Variants in PRKG1 observed in about 807,000 individuals in gnomAD.
PRKG1 encodes cGMP-dependent protein kinase 1.
A neutral mutation model predicts 88.1 loss-of-function variants in PRKG1; 35 were observed. That is an observed-to-expected ratio of 0.40 (90% confidence interval 0.30 to 0.53). PRKG1 has a LOEUF of 0.53. Among genes scored for constraint, PRKG1 ranks in the 20% least tolerant of loss-of-function variants. The pLI, the probability that PRKG1 is intolerant of heterozygous loss-of-function variation, is 0.59. For missense variants in PRKG1, 540 were observed against 839.8 expected (o/e 0.64, Z 4.41); for synonymous variants, 303 against 292.5 (o/e 1.04, Z -0.37).
intron 3 of PRKG1, among the ~76,000 whole-genome samples, chr10:51,753,061 G>A (rs569625218): frequency 1.1e-3 from 160 of 152,236 alleles, no homozygotes; most frequent in Middle Eastern, 3.4e-3. Flanking sequence ...GTGCTACTGA[G>A]TCTAGTAGTA....
chr10:52,021,375 G>A (rs1181221109), intron 5 of PRKG1, among the ~76,000 whole-genome samples: 6 of 152,150 alleles, frequency 3.9e-5, no homozygotes, highest in African/African-American at 1.4e-4. Flanking sequence ...CCATTCAAAG[G>A]TATCTGGTTT....
chr10:51,897,249 G>A (rs1163303210), intron 4 of PRKG1, among the ~76,000 whole-genome samples: 2 of 152,246 alleles, frequency 1.3e-5, no homozygotes, highest in Admixed American at 6.5e-5. Context: ...TAGTAAGTCC[G>A]AGATTTCTGC....
chr10:52,133,861 C>T lies in PRKG1; in HGVS notation c.957C>T (p.Asn319=), dbSNP rs949262667. The T allele has an allele frequency of 1.9e-5, 30 of 1,613,014 alleles. No individual in the cohort carries two copies. In the East Asian group the frequency reaches 5.1e-4, roughly 28 times the overall value. ...ALQGEDVRTA[N]VIAAEAVTCL... is the part of the protein sequence containing the mutation. ...ATAGGGAAGATGTGAGAACAGCAAA[C>T]GTAATTGCTGCAGAAGCTGTAACCT... Residue 319 remains asparagine (N), a synonymous_variant, in exon 8 of 18, where the codon AAC becomes AAT. Transcript: ENST00000373980.
At chr10:52,031,975 G>C (rs138052145) in intron 5 of PRKG1, among the ~76,000 whole-genome samples, 82 of 152,300 alleles carry the variant, frequency 5.4e-4, no homozygotes, top group African/African-American at 1.7e-3. Context: ...GAAATGGCTG[G>C]AGTGTAGAGG....
At chr10:52,164,360 GTAAGTAAA>G (rs1838371803) in intron 9 of PRKG1, among the ~76,000 whole-genome samples, 4 of 140,220 alleles carry the variant, frequency 2.9e-5, no homozygotes, top group Non-Finnish European at 1.5e-5. Context: ...TCAAAAATAA[GTAAGTAAA>G]TAAATAAATA....
intron 3 of PRKG1, among the ~76,000 whole-genome samples, chr10:51,737,437 C>T (rs1317684335): frequency 1.3e-5 from 2 of 152,144 alleles, no homozygotes; most frequent in Non-Finnish European, 2.9e-5. Context: ...TTTGTTGTTG[C>T]CTGGTTTATT....
At chr10:51,905,416 T>A (rs1842065034) in intron 4 of PRKG1, among the ~76,000 whole-genome samples, 1 of 152,192 alleles carries the variant, frequency 6.6e-6, no homozygotes. Context: ...TTGTTTCTTT[T>A]ATGGTATCAT....
intron 2 of PRKG1, among the ~76,000 whole-genome samples, chr10:51,153,572 T>A (rs551151769): frequency 6.6e-6 from 1 of 151,988 alleles, no homozygotes; most frequent in African/African-American, 2.4e-5. Flanking sequence ...GTTAAAAATG[T>A]GAAAAAAGAA....
chr10:51,207,623 C>A (rs1482236944), intron 2 of PRKG1, among the ~76,000 whole-genome samples: 1 of 152,076 alleles, frequency 6.6e-6, no homozygotes, highest in Non-Finnish European at 1.5e-5. Flanking sequence ...AAGTGTACAG[C>A]TTCCCATTCT....
intron 3 of PRKG1, among the ~76,000 whole-genome samples, chr10:51,541,601 A>G (rs1246079331): frequency 2.0e-5 from 3 of 152,232 alleles, no homozygotes; most frequent in African/African-American, 7.2e-5. Context: ...AAATAAAATC[A>G]GTGAAGTTTA....
intron 1 of PRKG1, among the ~76,000 whole-genome samples, chr10:51,050,742 T>C (rs1843550350): frequency 6.6e-6 from 1 of 152,176 alleles, no homozygotes; most frequent in African/African-American, 2.4e-5. Flanking sequence ...TTCTAAACTG[T>C]TCTTTATAGT....
intron 7 of PRKG1, among the ~76,000 whole-genome samples, chr10:52,086,659 C>A (rs2133314420): frequency 6.6e-6 from 1 of 152,144 alleles, no homozygotes; most frequent in African/African-American, 2.4e-5. Flanking sequence ...CCCACCTTGG[C>A]CTTGATTTTC....
intron 2 of PRKG1, among the ~76,000 whole-genome samples, chr10:51,333,559 G>C (rs1225766150): frequency 6.6e-6 from 1 of 152,194 alleles, no homozygotes; most frequent in Non-Finnish European, 1.5e-5. Flanking sequence ...CATGTTGACT[G>C]TGTAGAACAT....
intron 3 of PRKG1, among the ~76,000 whole-genome samples, chr10:51,764,188 A>G (rs553878469): frequency 2.0e-5 from 3 of 152,324 alleles, no homozygotes; most frequent in Admixed American, 1.3e-4. Context: ...CCACTCCTAT[A>G]TCACATAAAA....
At chr10:51,579,194 C>T (rs113716194) in intron 3 of PRKG1, among the ~76,000 whole-genome samples, 21,505 of 151,550 alleles carry the variant, frequency 0.14, 1,643 homozygotes, top group African/African-American at 0.2. Flanking sequence ...GTTGGCCAGG[C>T]TGATCTTGAA....
chr10:51,447,350 A>G (rs564800276), intron 2 of PRKG1, among the ~76,000 whole-genome samples: 23 of 152,164 alleles, frequency 1.5e-4, no homozygotes, highest in Non-Finnish European at 2.8e-4. Context: ...GACCAACACA[A>G]GGAAGCCCTT....
chr10:51,077,449 C>G (rs971521645), intron 1 of PRKG1, among the ~76,000 whole-genome samples: 3 of 151,980 alleles, frequency 2.0e-5, no homozygotes, highest in African/African-American at 7.3e-5. Context: ...CGCTAATGTT[C>G]TGTTCATTTA....
rs769618940 is a variant in PRKG1 at position 52,256,501 on chromosome 10, A to G, written c.1173+4835A>G. 1.0e-4 allele frequency among the ~76,000 whole-genome samples: 14 copies of G among 139,506 alleles called. 4 individuals are homozygous for G. Among genetic ancestry groups the G allele is most frequent in the Non-Finnish European group, 2.1e-4 (13 of 61,644 alleles). 91.5% of individuals were successfully genotyped at this position (139,506 alleles called of 152,430 possible). A position where few individuals can be genotyped will look rare whatever the true frequency, so the allele number is the denominator to read the frequency against. Reference sequence around the variant, plus strand: ...TGAGCCTTGCTTTTCTTGTCTCTGAAATGATGATAATAATAGGATATGTAC... The same window carrying G: ...TGAGCCTTGCTTTTCTTGTCTCTGAGATGATGATAATAATAGGATATGTAC... On this transcript the variant is annotated intron_variant, in intron 10 of 17. Transcript: ENST00000373980.
chr10:51,288,510 C>A (rs1840500313), intron 2 of PRKG1, among the ~76,000 whole-genome samples: 2 of 152,222 alleles, frequency 1.3e-5, no homozygotes, highest in Non-Finnish European at 1.5e-5. Flanking sequence ...TCTTTGGTAG[C>A]TTTATGGACC....
Sources: allele counts gnomAD v4.1 joint callset (sites outside exome capture counted in the v4.1 genomes callset), GRCh38; gene constraint gnomAD v4.1.1; transcripts MANE v1.5; gene names NCBI Gene and HGNC (gene_info 2026-07-23, HGNC 2026-07-21).